The following OLFM3 variants were observed in gnomAD, a reference collection of about 807,000 sequenced individuals.
The protein encoded by OLFM3 is olfactomedin 3.
OLFM3 carries 20 observed loss-of-function variants against 48.6 expected under a neutral mutation model. That is an observed-to-expected ratio of 0.41 (90% CI 0.29 to 0.60). The LOEUF (loss-of-function observed/expected upper bound fraction) is 0.60, where lower values mean the gene tolerates loss of function less well. Among genes scored for constraint, OLFM3 ranks in the 20% least tolerant of loss-of-function variants. The pLI, the probability that OLFM3 is intolerant of heterozygous loss-of-function variation, is 0.28. For synonymous variants in OLFM3, 222 were observed against 198.1 expected (o/e 1.12, Z -1.01); for missense variants, 437 against 544.3 (o/e 0.80, Z 1.96).
At chr1:101,903,478 G>A (rs1434998050) in intron 1 of OLFM3, among the ~76,000 whole-genome samples, 1 of 152,072 alleles carries the variant, frequency 6.6e-6, no homozygotes, top group Admixed American at 6.6e-5. Context: ...CAGTCATGGA[G>A]CTAAGGAACT....
chr1:101,882,118 C>T (rs1657552229), intron 1 of OLFM3, among the ~76,000 whole-genome samples: 1 of 151,058 alleles, frequency 6.6e-6, no homozygotes, highest in Admixed American at 6.6e-5. Flanking sequence ...TACACACACA[C>T]ACACACGACA....
chr1:101,842,769 T>A lies in OLFM3; in HGVS notation c.70-5744A>T, dbSNP rs538208626. On this transcript the variant is annotated intron_variant, in intron 1 of 5. Transcript: ENST00000370103. ...CTCCACTGAAGAAAAGCAGGGGGCA[T>A]GAGCCGAACTCCTCTCTCTGCAGTT... 3.9e-5 allele frequency among the ~76,000 whole-genome samples: 6 copies of A among 152,316 alleles called. No homozygotes were observed. The South Asian group carries it at 1.0e-3, about 26-fold the overall frequency.
intron 2 of OLFM3, among the ~76,000 whole-genome samples, chr1:101,833,377 T>C (rs776183812): frequency 8.5e-5 from 13 of 152,222 alleles, no homozygotes; most frequent in Non-Finnish European, 1.9e-4. Context: ...TTGCTGGTTA[T>C]AACTAGGATT....
intron 4 of OLFM3, among the ~76,000 whole-genome samples, chr1:101,816,332 G>A (rs1270960473): frequency 6.6e-6 from 1 of 152,066 alleles, no homozygotes; most frequent in Admixed American, 6.6e-5. Context: ...GGTTAAGAAA[G>A]GTTTGTTTAT....
In OLFM3 at chr1:101,996,925, G is replaced by T; in HGVS notation, c.-109C>A. On this transcript the variant is annotated 5_prime_UTR_variant, in exon 1 of 6. Transcript: ENST00000370103. The stretch of plus-strand genomic sequence containing the variant: ...CTTTCTGCCTGCCAGTCAGAGCCGA[G>T]TGGAAGCAGAGGCGGCGGCAGCAGC... 8.4e-7 allele frequency: 1 copy of T among 1,187,888 alleles called. No individual in the cohort carries two copies. Among genetic ancestry groups the T allele is most frequent in the Non-Finnish European group, 1.2e-6 (1 of 810,310 alleles). 73.6% of individuals were successfully genotyped at this position (1,187,888 alleles called of 1,614,324 possible).
At chr1:101,985,106 C>G (rs1661199427) in intron 1 of OLFM3, among the ~76,000 whole-genome samples, 1 of 152,170 alleles carries the variant, frequency 6.6e-6, no homozygotes, top group African/African-American at 2.4e-5. Flanking sequence ...GCTTGTGCAT[C>G]CTTTCCCCAT....
intron 1 of OLFM3, among the ~76,000 whole-genome samples, chr1:101,915,890 C>A (rs527313260): frequency 1.3e-5 from 2 of 152,124 alleles, no homozygotes; most frequent in African/African-American, 4.8e-5. Flanking sequence ...ATTAGCACAG[C>A]TATTAATAAT....
chr1:101,885,321 T>C (rs1657705490), intron 1 of OLFM3, among the ~76,000 whole-genome samples: 1 of 152,024 alleles, frequency 6.6e-6, no homozygotes, highest in South Asian at 2.1e-4. Flanking sequence ...ACAGAAAGTA[T>C]CTGATTATTC....
At chr1:101,894,202 T>A (rs11164323) in intron 1 of OLFM3, among the ~76,000 whole-genome samples, 89,425 of 151,948 alleles carry the variant, frequency 0.59, 26,720 homozygotes, top group African/African-American at 0.67. Flanking sequence ...ATAAATACAA[T>A]TTTTTTAAAA....
intron 1 of OLFM3, among the ~76,000 whole-genome samples, chr1:101,919,316 G>A (rs144827606): frequency 7.0e-4 from 106 of 151,384 alleles, no homozygotes; most frequent in African/African-American, 2.1e-3. Context: ...AAATTTTTTT[G>A]AACTTTCTAT....
chr1:101,937,948 AG>A (rs1659672926), intron 1 of OLFM3, among the ~76,000 whole-genome samples: 2 of 152,134 alleles, frequency 1.3e-5, no homozygotes, highest in African/African-American at 4.8e-5. Flanking sequence ...AAACACCTCA[AG>A]GGCAGGATTT....
At chr1:101,976,187 A>G (rs927274270) in intron 1 of OLFM3, among the ~76,000 whole-genome samples, 1 of 152,364 alleles carries the variant, frequency 6.6e-6, no homozygotes, top group Non-Finnish European at 1.5e-5. Flanking sequence ...TACCAAATAT[A>G]TGATTAAATA....
At chr1:101,811,321 G>A (rs1055433419) in intron 4 of OLFM3, among the ~76,000 whole-genome samples, 1 of 151,826 alleles carries the variant, frequency 6.6e-6, no homozygotes, top group African/African-American at 2.4e-5. Context: ...ATTTTAGATG[G>A]CCAAACTAAT....
chr1:101,899,212 G>A (rs1658309620), intron 1 of OLFM3, among the ~76,000 whole-genome samples: 1 of 152,060 alleles, frequency 6.6e-6, no homozygotes. Flanking sequence ...CATGGTTATT[G>A]CTAGAATTCA....
intron 1 of OLFM3, among the ~76,000 whole-genome samples, chr1:101,899,101 A>C (rs12748614): frequency 0.55 from 84,373 of 152,054 alleles, 23,705 homozygotes; most frequent in East Asian, 0.59. Context: ...CTCAGCTGGG[A>C]GGCTCTACCT....
intron 2 of OLFM3, among the ~76,000 whole-genome samples, chr1:101,831,643 G>A (rs1273551180): frequency 5.9e-5 from 9 of 152,166 alleles, no homozygotes; most frequent in Admixed American, 3.3e-4. Context: ...TGAATGACCC[G>A]TTATAAAGAT....
At chr1:101,914,288 G>A (rs1658855968) in intron 1 of OLFM3, among the ~76,000 whole-genome samples, 1 of 152,010 alleles carries the variant, frequency 6.6e-6, no homozygotes, top group African/African-American at 2.4e-5. Context: ...ACTGTGTACT[G>A]CCCACACCCA....
At chr1:101,852,253 A>T (rs1271846053) in intron 1 of OLFM3, among the ~76,000 whole-genome samples, 1 of 151,428 alleles carries the variant, frequency 6.6e-6, no homozygotes, top group East Asian at 1.9e-4. Context: ...ACCATCTTCA[A>T]TTTCTCTCTT....
chr1:101,918,584 A>C (rs1658998299), intron 1 of OLFM3, among the ~76,000 whole-genome samples: 2 of 137,906 alleles, frequency 1.5e-5, no homozygotes, highest in Non-Finnish European at 3.1e-5. Context: ...TTTAACTTAT[A>C]AGGTGCTTTT....
Sources: gnomAD v4.1 joint callset for allele counts (sites outside exome capture counted in the v4.1 genomes callset) on GRCh38, gnomAD v4.1.1 for gene constraint, MANE v1.5 for transcripts, NCBI Gene and HGNC (gene_info 2026-07-23, HGNC 2026-07-21) for gene names.